The following THSD7B variants were observed in gnomAD, a reference collection of about 807,000 sequenced individuals.
THSD7B encodes the protein thrombospondin type 1 domain containing 7B, also known as thrombospondin type-1 domain-containing protein 7B.
THSD7B carries 138 observed loss-of-function variants against 213.6 expected under a neutral mutation model. The ratio of observed to expected loss-of-function variants is 0.65; its 90% CI spans 0.56 to 0.74. THSD7B has a LOEUF of 0.74. Ranked by LOEUF, THSD7B falls within the 30% of genes least tolerant of loss-of-function variation. The pLI is 0.00. For missense variants in THSD7B, 1,931 were observed against 1,991.5 expected (o/e 0.97, Z 0.58); for synonymous variants, 742 against 687.0 (o/e 1.08, Z -1.25).
intron 12 of THSD7B, among the ~76,000 whole-genome samples, chr2:137,351,391 A>G (rs1480877341): frequency 6.6e-6 from 1 of 151,882 alleles, no homozygotes; most frequent in Middle Eastern, 3.2e-3. Context: ...CACAAATGCA[A>G]TTTTTGTGAC....
chr2:136,986,299 A>C (rs533870124), intron 2 of THSD7B, among the ~76,000 whole-genome samples: 17 of 152,312 alleles, frequency 1.1e-4, no homozygotes, highest in African/African-American at 3.6e-4. Flanking sequence ...GTCCCCTCCA[A>C]ATCTCATGTT....
intron 15 of THSD7B, among the ~76,000 whole-genome samples, chr2:137,544,231 C>A (rs1442626011): frequency 6.6e-6 from 1 of 151,472 alleles, no homozygotes; most frequent in Non-Finnish European, 1.5e-5. Context: ...AATGCATAAA[C>A]AAAATGTAGT....
chr2:137,422,591 C>A (rs1045472816), intron 14 of THSD7B, among the ~76,000 whole-genome samples: 1 of 152,104 alleles, frequency 6.6e-6, no homozygotes, highest in African/African-American at 2.4e-5. Context: ...AATGGAACAT[C>A]TAGTTTTCAT....
intron 3 of THSD7B, among the ~76,000 whole-genome samples, chr2:137,076,886 A>C (rs1687636884): frequency 6.6e-6 from 1 of 152,104 alleles, no homozygotes; most frequent in Non-Finnish European, 1.5e-5. Flanking sequence ...CATATTAGTT[A>C]CATATGTATA....
chr2:136,862,988 G>A (rs1573675348), intron 1 of THSD7B, among the ~76,000 whole-genome samples: 2 of 152,112 alleles, frequency 1.3e-5, no homozygotes, highest in South Asian at 2.1e-4. Flanking sequence ...TATTGCTTAC[G>A]CTTTCTCTCC....
chr2:136,901,607 T>C (rs1209914797), intron 2 of THSD7B, among the ~76,000 whole-genome samples: 1 of 152,224 alleles, frequency 6.6e-6, no homozygotes, highest in African/African-American at 2.4e-5. Flanking sequence ...TAAAAAATTA[T>C]TGGGGAAGTG....
chr2:137,399,605 A>T (rs1365746925), intron 12 of THSD7B, among the ~76,000 whole-genome samples: 2 of 152,096 alleles, frequency 1.3e-5, no homozygotes, highest in African/African-American at 4.8e-5. Flanking sequence ...AGGTACTTTT[A>T]TCTTGCTGCT....
chr2:136,774,612 A>G (rs1450631654), intron 1 of THSD7B, among the ~76,000 whole-genome samples: 1 of 151,898 alleles, frequency 6.6e-6, no homozygotes, highest in African/African-American at 2.4e-5. Context: ...TGGTGGGGGG[A>G]TGCATATTTC....
At chr2:136,832,552 C>G (rs989265869) in intron 1 of THSD7B, among the ~76,000 whole-genome samples, 5 of 152,136 alleles carry the variant, frequency 3.3e-5, no homozygotes, top group African/African-American at 7.2e-5. Flanking sequence ...TTTATCCAGA[C>G]ACACTCAGAA....
At chr2:137,650,668 G>T (rs1036905133) in intron 21 of THSD7B, among the ~76,000 whole-genome samples, 1 of 152,156 alleles carries the variant, frequency 6.6e-6, no homozygotes, top group Admixed American at 6.5e-5. Flanking sequence ...CCAGATCTTA[G>T]AGCAAACGCT....
At chr2:137,332,141 A>G (rs889272649) in intron 12 of THSD7B, among the ~76,000 whole-genome samples, 3 of 151,972 alleles carry the variant, frequency 2.0e-5, no homozygotes, top group Admixed American at 1.3e-4. Context: ...AGCGAGGGCT[A>G]TGAGGACTGC....
intron 5 of THSD7B, 143 bp downstream of exon 5, chr2:137,115,436 C>T (rs902550873): frequency 1.1e-6 from 1 of 905,848 alleles, no homozygotes; most frequent in Admixed American, 3.6e-5. Context: ...GTATGCCGCC[C>T]CTAAGTTCTT....
intron 15 of THSD7B, among the ~76,000 whole-genome samples, chr2:137,534,043 CAG>C (rs1162883055): frequency 6.7e-6 from 1 of 150,268 alleles, no homozygotes; most frequent in African/African-American, 2.4e-5. Context: ...CACACACACA[CAG>C]ACTTCCTTTA....
At chr2:137,258,399 G>C (rs1573916298) in intron 10 of THSD7B, among the ~76,000 whole-genome samples, 1 of 152,060 alleles carries the variant, frequency 6.6e-6, no homozygotes, top group South Asian at 2.1e-4. Context: ...CCCTCTCAAT[G>C]ATCCAGCCAC....
chr2:136,898,673 T>TC (rs1684009298), intron 2 of THSD7B, among the ~76,000 whole-genome samples: 2 of 141,414 alleles, frequency 1.4e-5, no homozygotes, highest in South Asian at 4.6e-4. Context: ...AAATGGAGTC[T>TC]CCCCCCATCA....
intron 17 of THSD7B, among the ~76,000 whole-genome samples, chr2:137,605,843 G>A (rs1390846753): frequency 1.3e-5 from 2 of 151,586 alleles, no homozygotes; most frequent in African/African-American, 4.9e-5. Flanking sequence ...TAATTTTTTT[G>A]TATTTTTAGT....
intron 20 of THSD7B, among the ~76,000 whole-genome samples, chr2:137,628,427 C>T (rs1682676035): frequency 6.6e-6 from 1 of 152,032 alleles, no homozygotes; most frequent in South Asian, 2.1e-4. Context: ...TAGAATTCAG[C>T]ACTGGGGGAA....
chr2:137,511,712 A>C (rs1679964910), intron 15 of THSD7B, among the ~76,000 whole-genome samples: 1 of 152,190 alleles, frequency 6.6e-6, no homozygotes, highest in African/African-American at 2.4e-5. Flanking sequence ...TGGTTGGTAA[A>C]TAGACTCAGA....
intron 12 of THSD7B, among the ~76,000 whole-genome samples, chr2:137,312,215 T>C (rs1213687770): frequency 6.6e-6 from 1 of 152,258 alleles, no homozygotes; most frequent in Non-Finnish European, 1.5e-5. Flanking sequence ...AGATTCAACT[T>C]CTTCCTGGTT....
Sources: gnomAD v4.1 joint callset for allele counts (sites outside exome capture counted in the v4.1 genomes callset) on GRCh38, gnomAD v4.1.1 for gene constraint, MANE v1.5 for transcripts, NCBI Gene and HGNC (gene_info 2026-07-23, HGNC 2026-07-21) for gene names.